The following SBF1 variants were observed in gnomAD, a reference collection of about 807,000 sequenced individuals.
The protein encoded by SBF1 is SET binding factor 1.
In SBF1, 65 loss-of-function variants were observed where a neutral mutation model predicts 215.8. The ratio of observed to expected loss-of-function variants is 0.30; its 90% CI spans 0.25 to 0.37. The LOEUF (loss-of-function observed/expected upper bound fraction) is 0.37. Among genes scored for constraint, SBF1 ranks in the 10% least tolerant of loss-of-function variants. The pLI is 1.00. For synonymous variants in SBF1, 1,410 were observed against 1,122.8 expected (o/e 1.26, Z -5.11); for missense variants, 2,634 against 2,667.8 (o/e 0.99, Z 0.28).
chr22:50,451,945 C>T (rs533020631), intron 36 of SBF1, among the ~76,000 whole-genome samples: 14 of 151,818 alleles, frequency 9.2e-5, no homozygotes, highest in East Asian at 3.9e-4. Context: ...TACAGGCACC[C>T]GCCACCATGC....
At position 50,467,620 on chromosome 22, in the gene SBF1, G is replaced by A. The variant is rs1569514103; in HGVS notation, c.350C>T (p.Ser117Phe). 1.2e-6 allele frequency: 2 copies of A among 1,614,020 alleles called. No individual in the cohort carries two copies. Among genetic ancestry groups the A allele is most frequent in the Non-Finnish European group, 1.7e-6 (2 of 1,179,990 alleles). Residue 117 changes from serine (S) to phenylalanine (F), a missense_variant, in exon 4 of 41, where the codon TCT becomes TTT. Coordinates refer to ENST00000380817, the MANE Select transcript of SBF1 (RefSeq NM_002972.4). ...GGCAGATGGGGCAGGTGCTGTGGGA[G>A]ACAGGTGGGTCTGGCCTCCCTCATC... ...EGDEGGQTHL[S>F]PTAPAPSAQL...
intron 1 of SBF1, among the ~76,000 whole-genome samples, chr22:50,470,104 G>C (rs1013600457): frequency 4.6e-5 from 7 of 151,384 alleles, no homozygotes; most frequent in Non-Finnish European, 8.8e-5. Flanking sequence ...TCACTCAGGC[G>C]CAGGCCCTGA....
chr22:50,473,875 C>CGGGAT (rs1204012157), intron 1 of SBF1, among the ~76,000 whole-genome samples: 2 of 152,214 alleles, frequency 1.3e-5, no homozygotes, highest in African/African-American at 4.8e-5. Flanking sequence ...TCAGCTTATC[C>CGGGAT]GCGCCTAACT....
Position 50,456,404 on chromosome 22 carries a change from A to G in SBF1, c.4087-9T>C, listed in dbSNP as rs781361001. On this transcript the variant is annotated splice_polypyrimidine_tract_variant and intron_variant, in intron 30 of 40. Coordinates refer to ENST00000380817, the MANE Select transcript of SBF1 (RefSeq NM_002972.4). The stretch of plus-strand genomic sequence containing the variant: ...GGGTCTGACCGCACACCCTGAAAAG[A>G]ATCCGGACAAGTCCCGTGAGACACA... The G allele has an allele frequency of 6.2e-7, 1 of 1,611,226 alleles. No homozygotes were observed.
intron 26 of SBF1, 68 bp downstream of exon 26, chr22:50,459,884 C>T (rs1379837662): frequency 6.5e-7 from 1 of 1,548,920 alleles, no homozygotes; most frequent in African/African-American, 1.4e-5. Flanking sequence ...GTGGCCCAGG[C>T]CCACAGCGGG....
rs771765920 is a variant in SBF1 at position 50,456,330 on chromosome 22, C to T, written c.4152G>A (p.Gln1384=). Residue 1384 remains glutamine, a synonymous_variant, in exon 31 of 41, where the codon CAG becomes CAA. Transcript: ENST00000380817. ...LVPIEVFEAR[Q]VKASFKKLLK... ...GCAGCTTCTTGAAGCTAGCCTTCAC[C>T]TGCCGTGCCTCGAATACCTCAATGG... 3.7e-5 allele frequency: 59 copies of T among 1,613,216 alleles called. No homozygotes were observed. In the African/African-American group the frequency reaches 7.2e-4, roughly 20 times the overall value.
In SBF1 at chr22:50,460,587, G is replaced by C. The variant is rs775483275; in HGVS notation, c.3093C>G (p.Ala1031=). ...CTCGCGGTGGCCGGCCAGGTGTGTG[G>C]GCAGAGCCCAAGGTGAACGCAAAGG... ...RATFAFTLGS[A]HTPGRPPRVT... is the part of the protein sequence containing the mutation. Residue 1031 remains alanine (A), a synonymous_variant, in exon 24 of 41, where the codon GCC becomes GCG. Coordinates refer to ENST00000380817, the MANE Select transcript of SBF1 (RefSeq NM_002972.4). 3.1e-6 allele frequency: 5 copies of C among 1,613,986 alleles called. No homozygotes were observed. Among genetic ancestry groups the C allele is most frequent in the African/African-American group, 1.3e-5 (1 of 74,940 alleles).
Position 50,456,515 on chromosome 22 carries a change from G to A in SBF1, c.4063C>T (p.Leu1355Phe), listed in dbSNP as rs1321110819. ...LRPQRAALYI[L>F]GDKAQLKGVR... ...ACCTTGAGCTGGGCTTTGTCCCCAA[G>A]GATATAGAGGGCTGCTCGCTGCGGA... is the stretch of plus-strand genomic sequence containing the variant. The change falls in exon 30 of 41, where the codon CTT (leucine) becomes TTT (phenylalanine). Residue 1355 changes from leucine (L) to phenylalanine (F), a missense_variant. By Grantham distance (22) the Leu-to-Phe change is conservative. Transcript: ENST00000380817. The A allele has an allele frequency of 2.9e-6, 4 of 1,394,458 alleles. No homozygotes were observed. 86.4% of individuals were successfully genotyped at this position (1,394,458 alleles called of 1,614,324 possible). A position where few individuals can be genotyped will look rare whatever the true frequency, so the allele number is the denominator to read the frequency against.
At position 50,462,005 on chromosome 22, in the gene SBF1, G is replaced by A. The variant is rs1035695404; in HGVS notation, c.2511C>T (p.Val837=). The A allele has an allele frequency of 2.5e-6, 4 of 1,614,112 alleles. No individual in the cohort carries two copies. Among genetic ancestry groups the A allele is most frequent in the Non-Finnish European group, 3.4e-6 (4 of 1,180,058 alleles). ...CGCTGGTGACCCCACTCTCCGTGCA[G>A]ACCTTGTCCACAAAGCGGTTGATGA... The part of the protein sequence containing the change: ...VRFINRFVDK[V]CTESGVTSDH... Residue 837 remains valine (V), a synonymous_variant, in exon 20 of 41, where the codon GTC becomes GTT. Transcript: ENST00000380817.
chr22:50,462,758 GA>G, intron 17 of SBF1, 41 bp from the exon 18 acceptor site: 1 of 1,609,590 alleles, frequency 6.2e-7, no homozygotes. Flanking sequence ...ATGCAGCCAG[GA>G]AGGGCGGCTG....
At chr22:50,461,330 G>GCA (rs755495219) in intron 22 of SBF1, 44 bp from the exon 23 acceptor site, 31 of 1,549,128 alleles carry the variant, frequency 2.0e-5, no homozygotes, top group Admixed American at 3.7e-5. Flanking sequence ...AAGGTAAGGG[G>GCA]GGGGGGGTCC....
intron 31 of SBF1, 119 bp from the exon 32 acceptor site, chr22:50,455,701 C>T (rs563085141): frequency 4.9e-6 from 4 of 808,932 alleles, no homozygotes; most frequent in Non-Finnish European, 8.1e-6. Flanking sequence ...TCCACAGCCC[C>T]CCAAGCCCTG....
Position 50,448,321 on chromosome 22 carries a change from C to T in SBF1, c.5275G>A (p.Gly1759Ser). Residue 1759 changes from glycine (G) to serine (S), a missense_variant, in exon 38 of 41, where the codon GGC (glycine) becomes AGC (serine). Physicochemically the swap from Gly to Ser is moderately conservative, Grantham distance 56. Transcript: ENST00000380817. ...TGACGGGAGCCGGATGTGGTTGAGC[C>T]ACTACTCTGGTCGCTGTCCAGGCTG... is the stretch of plus-strand genomic sequence containing the variant. ...SLSLDSDQSS[G>S]STTSGSRQAA... 6.2e-7 allele frequency: 1 copy of T among 1,613,736 alleles called. No homozygotes were observed.
chr22:50,474,665 T>C (rs2068112764), intron 1 of SBF1, 121 bp downstream of exon 1: 1 of 518,658 alleles, frequency 1.9e-6, no homozygotes, highest in Non-Finnish European at 2.6e-6. Context: ...GTCCTCGGCC[T>C]CCCGACCCAG....
intron 1 of SBF1, among the ~76,000 whole-genome samples, chr22:50,473,950 A>G (rs912244096): frequency 7.2e-5 from 11 of 152,366 alleles, no homozygotes; most frequent in Middle Eastern, 3.4e-3. Flanking sequence ...AGGTGAGATC[A>G]TGTACACAAA....
At chr22:50,462,973 C>G (rs370165302) in intron 16 of SBF1, 35 bp from the exon 17 acceptor site, 1 of 1,581,150 alleles carries the variant, frequency 6.3e-7, no homozygotes, top group East Asian at 2.3e-5. Context: ...AGGACCTCTC[C>G]CCTCCCAGGC....
At chr22:50,449,625 A>AACAC (rs59541336) in intron 36 of SBF1, among the ~76,000 whole-genome samples, 27,532 of 146,774 alleles carry the variant, frequency 0.19, 2,552 homozygotes, top group Middle Eastern at 0.25. Context: ...AAAACACACA[A>AACAC]ACACACACAC....
chr22:50,454,532 C>G lies in SBF1; in HGVS notation c.5023G>C (p.Ala1675Pro). 1 of 1,610,172 alleles carries G rather than the reference C, an allele frequency of 6.2e-7. No homozygotes were observed. The highest frequency in any genetic ancestry group is 8.5e-7 in the Non-Finnish European group (1 of 1,179,846). ...CGCACCTCCAGCAGGCGTGAGATGG[C>G]GTCAGGCTGGGCCCGCGGGCAGCTG... Reference protein sequence around the residue: ...YDSCPRAQPDAISRLLEELQR... With the variant: ...YDSCPRAQPDPISRLLEELQR... Residue 1675 changes from alanine (A) to proline (P), a missense_variant, in exon 36 of 41, where the codon GCC (alanine) becomes CCC (proline). Physicochemically the swap from Ala to Pro is conservative, Grantham distance 27 (BLOSUM62 -1). Coordinates refer to ENST00000380817, the MANE Select transcript of SBF1 (RefSeq NM_002972.4).
chr22:50,455,009 C>T lies in SBF1; in HGVS notation c.4681+7G>A. ...CGTGGCTGCCCCAGCCCCGACTCCC[C>T]ACATACCCAGCTCAATGCGCTCATA... On this transcript the variant is annotated splice_region_variant and intron_variant, in intron 34 of 40. Transcript: ENST00000380817. The T allele has an allele frequency of 6.2e-7, 1 of 1,614,092 alleles. No individual in the cohort carries two copies. The highest frequency in any genetic ancestry group is 8.5e-7 in the Non-Finnish European group (1 of 1,180,042).
Sources: gnomAD v4.1 joint callset for allele counts (sites outside exome capture counted in the v4.1 genomes callset) on GRCh38, gnomAD v4.1.1 for gene constraint, MANE v1.5 for transcripts, NCBI Gene and HGNC (gene_info 2026-07-23, HGNC 2026-07-21) for gene names.